The following S100A13 variants were observed in gnomAD, a reference collection of about 807,000 sequenced individuals.
S100A13 encodes S100 calcium binding protein A13.
In S100A13, 6 loss-of-function variants were observed where a neutral mutation model predicts 8.2. The ratio of observed to expected loss-of-function variants is 0.73; its 90% CI spans 0.40 to 1.44. The LOEUF is 1.44. S100A13 is among the 40% of genes most tolerant of loss of function. S100A13 has a pLI of 0.02. For missense variants in S100A13, 114 were observed against 113.6 expected (o/e 1.00, Z -0.02); for synonymous variants, 39 against 45.9 (o/e 0.85, Z 0.61).
intron 2 of S100A13, among the ~76,000 whole-genome samples, chr1:153,621,681 CA>C (rs538835772): frequency 8.4e-5 from 12 of 142,338 alleles, no homozygotes; most frequent in Non-Finnish European, 4.6e-5. Flanking sequence ...TGCTGCTGCT[CA>C]AAAAAAAAAA....
rs549512854 is a variant in S100A13, at chr1:153,618,875, C to T, written c.*20G>A. The stretch of plus-strand genomic sequence containing the variant: ...CCCTGATCAGCTCTGCCCTGCCCAC[C>T]CCATCTCAGCCAGGCGGCTTTACTT... On this transcript the variant is annotated 3_prime_UTR_variant, in exon 3 of 3. Coordinates refer to ENST00000476133, the MANE Select transcript of S100A13 (RefSeq NM_001024211.2). The T allele has an allele frequency of 6.2e-7, 1 of 1,613,462 alleles. No homozygotes were observed. Among genetic ancestry groups the T allele is most frequent in the South Asian group, 1.1e-5 (1 of 91,038 alleles).
At chr1:153,630,801 T>C, upstream of S100A13, 1 of 1,168,048 alleles carries the variant, frequency 8.6e-7, no homozygotes, top group Non-Finnish European at 1.2e-6. Flanking sequence ...TCTCCTGGGT[T>C]TTTCCAGGCT....
At chr1:153,625,451 C>A (rs540978829) in intron 2 of S100A13, among the ~76,000 whole-genome samples, 6 of 152,194 alleles carry the variant, frequency 3.9e-5, no homozygotes, top group African/African-American at 1.4e-4. Context: ...CCTGTGAGTG[C>A]GAGAGAAGGA....
chr1:153,625,584 T>C (rs1208365407), intron 2 of S100A13, among the ~76,000 whole-genome samples: 2 of 152,222 alleles, frequency 1.3e-5, no homozygotes, highest in African/African-American at 2.4e-5. Context: ...TCATTTTTGA[T>C]AAGCCCCTTT....
At chr1:153,619,208 G>A (rs1338067083) in intron 2 of S100A13, among the ~76,000 whole-genome samples, 170 bp from the exon 3 acceptor site, 1 of 152,186 alleles carries the variant, frequency 6.6e-6, no homozygotes, top group African/African-American at 2.4e-5. Flanking sequence ...ACCGCCACGG[G>A]GTGCCTCTCC....
upstream of S100A13, chr1:153,628,627 G>A (rs922156914): frequency 3.2e-5 from 45 of 1,416,402 alleles, no homozygotes; most frequent in Non-Finnish European, 3.9e-5. Flanking sequence ...GTCAGTCAGG[G>A]TGAGGGCAGT....
chr1:153,629,361 T>C (rs1667872117), upstream of S100A13: 1 of 152,192 alleles, frequency 6.6e-6, no homozygotes, highest in Non-Finnish European at 1.5e-5. Flanking sequence ...GGAGTTCAGA[T>C]GACACTCACA....
At chr1:153,627,818 A>C, upstream of S100A13, 1 of 531,288 alleles carries the variant, frequency 1.9e-6, no homozygotes. Flanking sequence ...TGAGGGGGGA[A>C]GAGGGAGGCA....
chr1:153,618,909 T>C lies in S100A13; in HGVS notation c.283A>G (p.Ile95Val), dbSNP rs777442208. 2 of 1,614,078 alleles carry C rather than the reference T, an allele frequency of 1.2e-6. No homozygotes were observed. Among genetic ancestry groups the C allele is most frequent in the Non-Finnish European group, 8.5e-7 (1 of 1,180,010 alleles). Residue 95 changes from isoleucine to valine, a missense_variant, in exon 3 of 3, where the codon ATC becomes GTC. Ile to Val is a conservative substitution (Grantham distance 29). Transcript: ENST00000476133. ...KEIRKKKDLK[I>V]RKK ...GCCAGGCGGCTTTACTTCTTCCTGA[T>C]CTTCAGGTCTTTCTTCTTCCTGATT...
chr1:153,618,962 C>T lies in S100A13; in HGVS notation c.230G>A (p.Trp77Ter). ...QDSELKFNEY[W>*]RLIGELAKEI... ...CTTGGCCAGCTCCCCAATCAATCTC[C>T]AGTACTCATTGAACTTGAGCTCCGA... Residue 77 changes from tryptophan (W) to a stop codon, truncating the protein, a stop_gained, in exon 3 of 3, where the codon TGG becomes TAG. Transcript: ENST00000476133. LOFTEE classifies it high-confidence loss of function. The T allele has an allele frequency of 6.2e-7, 1 of 1,613,746 alleles. No individual in the cohort carries two copies. Among genetic ancestry groups the T allele is most frequent in the Non-Finnish European group, 8.5e-7 (1 of 1,179,678 alleles).
intron 2 of S100A13, among the ~76,000 whole-genome samples, chr1:153,624,527 C>A (rs1667473353): frequency 6.6e-6 from 1 of 150,434 alleles, no homozygotes. Flanking sequence ...ATTTCCAGGC[C>A]CAGAGGAAGT....
At chr1:153,627,381 C>T (rs1159794125) in intron 1 of S100A13, 102 bp downstream of exon 1, 1 of 152,446 alleles carries the variant, frequency 6.6e-6, no homozygotes, top group African/African-American at 2.4e-5. Flanking sequence ...TCCAAAGCTC[C>T]TTCCTGAATT....
chr1:153,631,327 G>A (rs549386383), upstream of S100A13: 372 of 846,544 alleles, frequency 4.4e-4, no homozygotes, highest in African/African-American at 5.9e-3. Flanking sequence ...GGGACTTTGG[G>A]CATATTTATT....
chr1:153,628,210 C>T (rs191511743), upstream of S100A13: 116 of 1,549,010 alleles, frequency 7.5e-5, no homozygotes, highest in African/African-American at 1.2e-3. Flanking sequence ...TCCTTCCCAC[C>T]TCTTTCCCCT....
chr1:153,622,338 T>A (rs1363652232), intron 2 of S100A13, among the ~76,000 whole-genome samples: 1 of 152,142 alleles, frequency 6.6e-6, no homozygotes, highest in East Asian at 1.9e-4. Context: ...GCCACTGCAC[T>A]CCAGCCTGGG....
chr1:153,626,715 T>C, intron 1 of S100A13, 182 bp from the exon 2 acceptor site: 1 of 457,736 alleles, frequency 2.2e-6, no homozygotes, highest in Non-Finnish European at 4.0e-6. Flanking sequence ...ATCTCAGTTT[T>C]GGTGGGGGCA....
upstream of S100A13, chr1:153,627,603 AG>A (rs1165111735): frequency 6.4e-6 from 1 of 157,388 alleles, no homozygotes; most frequent in African/African-American, 2.4e-5. Context: ...TCGATTCTGA[AG>A]ACCAGAGACA....
intron 2 of S100A13, among the ~76,000 whole-genome samples, chr1:153,620,129 A>C (rs1404240384): frequency 6.6e-6 from 1 of 152,118 alleles, no homozygotes; most frequent in Non-Finnish European, 1.5e-5. Context: ...TCTACTAAAA[A>C]TACAAAAATT....
At chr1:153,630,980 G>T (rs535455619), upstream of S100A13, 298 of 401,318 alleles carry the variant, frequency 7.4e-4, no homozygotes, top group African/African-American at 5.7e-3. Flanking sequence ...CTTAACAGAT[G>T]TACCAGAAAG....
Sources: allele counts gnomAD v4.1 joint callset (sites outside exome capture counted in the v4.1 genomes callset), GRCh38; gene constraint gnomAD v4.1.1; transcripts MANE v1.5; gene names NCBI Gene and HGNC (gene_info 2026-07-23, HGNC 2026-07-21).